Variants in TRPM7 observed in about 807,000 individuals in gnomAD.
TRPM7 encodes the protein transient receptor potential cation channel subfamily M member 7, also known as LTRPC ion channel family member 7.
Under a neutral mutation model 229.7 loss-of-function variants are expected in TRPM7, and 134 were observed. The observed-to-expected ratio is 0.58, with a 90% CI of 0.51 to 0.67. The LOEUF (loss-of-function observed/expected upper bound fraction) is 0.67. TRPM7 is among the 30% of genes least tolerant of loss of function. The pLI, the probability that TRPM7 is intolerant of heterozygous loss-of-function variation, is 0.00. For missense variants in TRPM7, 1,901 were observed against 2,210.0 expected, an observed-to-expected ratio of 0.86 and a Z score of 2.80; for synonymous variants, 699 against 715.2, an observed-to-expected ratio of 0.98 and a Z score of 0.36.
In TRPM7 at chr15:50,611,215, T is replaced by G. The variant is rs1040254222; in HGVS notation, c.2158A>C (p.Thr720Pro). 6.2e-7 allele frequency: 1 copy of G among 1,613,860 alleles called. No individual in the cohort carries two copies. The highest frequency in any genetic ancestry group is 1.3e-5 in the African/African-American group (1 of 74,902). The change falls in exon 17 of 39, where the codon ACC becomes CCC. Residue 720 changes from threonine to proline, a missense_variant. By Grantham distance (38) the Thr-to-Pro change is conservative. Transcript: ENST00000646667. ...GAAGAAACTGCTAACTTAAGGCAGG[T>G]TGAATTACTCCAGTTCTTCAGTTCA... ...TYELKNWSNS[T>P]CLKLAVSSRL...
Position 50,613,855 on chromosome 15 carries a change from C to CT in TRPM7, c.1636-15dup. On this transcript the variant is annotated splice_polypyrimidine_tract_variant and intron_variant, in intron 14 of 38. Transcript: ENST00000646667. ...TCGGCCAGACCTCTGAAAATGAGAT[C>CT]TTATTAGCTTTTATAGATTTAAACG... is the stretch of plus-strand genomic sequence containing the variant. 6.2e-7 allele frequency: 1 copy of CT among 1,601,866 alleles called. No homozygotes were observed. Among genetic ancestry groups the CT allele is most frequent in the Non-Finnish European group, 8.5e-7 (1 of 1,177,204 alleles).
chr15:50,605,105 T>C lies in TRPM7; in HGVS notation c.2749A>G (p.Lys917Glu), dbSNP rs1348453340. 1 of 1,607,644 alleles carries C rather than the reference T, an allele frequency of 6.2e-7. No homozygotes were observed. The highest frequency in any genetic ancestry group is 8.5e-7 in the Non-Finnish European group (1 of 1,177,684). Residue 917 changes from lysine (K) to glutamate (E), a missense_variant, in exon 21 of 39, where the codon AAA becomes GAA. Transcript: ENST00000646667. Reference protein sequence around the residue: ...SEAGKVNQKIKVWFSDYFNIS... With the variant: ...SEAGKVNQKIEVWFSDYFNIS... ...TTGAAGTAATCACTAAACCATACTT[T>C]AATCTTCTGGTTTACTTTCCCAGCT... is the stretch of plus-strand genomic sequence containing the variant.
intron 3 of TRPM7, among the ~76,000 whole-genome samples, chr15:50,656,535 T>C (rs1164604951): frequency 2.0e-5 from 3 of 149,972 alleles, no homozygotes; most frequent in Non-Finnish European, 4.4e-5. Context: ...AGGGTCTCAC[T>C]ATGCTACCCG....
At chr15:50,666,843 T>C (rs900506951) in intron 1 of TRPM7, among the ~76,000 whole-genome samples, 1 of 152,054 alleles carries the variant, frequency 6.6e-6, no homozygotes, top group African/African-American at 2.4e-5. Flanking sequence ...GCACAAGTAA[T>C]AGTAAGACTG....
chr15:50,643,378 G>A lies in TRPM7; in HGVS notation c.497C>T (p.Thr166Ile). 6.2e-7 allele frequency: 1 copy of A among 1,614,074 alleles called. No homozygotes were observed. The highest frequency in any genetic ancestry group is 8.5e-7 in the Non-Finnish European group (1 of 1,179,990). Residue 166 changes from threonine to isoleucine, a missense_variant, in exon 5 of 39, where the codon ACA (threonine) becomes ATA (isoleucine). Physicochemically the swap from Thr to Ile is moderately conservative, Grantham distance 89. Around this residue, in one of 8 missense-constraint regions of TRPM7, gnomAD observed 794 missense variants for 881.9 expected, o/e 0.90. Coordinates refer to ENST00000646667, the MANE Select transcript of TRPM7 (RefSeq NM_017672.6). ...LGKGLIKAAV[T>I]TGAWILTGGV... ...TCCAGTTAAAATCCAGGCTCCAGTT[G>A]TAACTGCAGCTTTAATAAGACCTTT...
chr15:50,617,458 G>A (rs376227313), intron 13 of TRPM7, among the ~76,000 whole-genome samples: 3 of 151,610 alleles, frequency 2.0e-5, no homozygotes, highest in South Asian at 2.1e-4. Context: ...AGCCGAGATC[G>A]TGCCACCACA....
At chr15:50,639,308 TA>T in intron 6 of TRPM7, 115 bp downstream of exon 6, 1 of 882,780 alleles carries the variant, frequency 1.1e-6, no homozygotes, top group Non-Finnish European at 1.5e-6. Context: ...AAATACCTTT[TA>T]AACTTAATTT....
At chr15:50,602,530 G>C (rs1304145003) in intron 21 of TRPM7, among the ~76,000 whole-genome samples, 1 of 152,136 alleles carries the variant, frequency 6.6e-6, no homozygotes, top group African/African-American at 2.4e-5. Flanking sequence ...CATAATCTTT[G>C]TGAAAGCCTT....
At chr15:50,678,878 A>G in intron 1 of TRPM7, among the ~76,000 whole-genome samples, 1 of 152,082 alleles carries the variant, frequency 6.6e-6, no homozygotes, top group East Asian at 1.9e-4. Context: ...AAAAACAAAA[A>G]AAAAAATTTT....
At chr15:50,653,894 G>A (rs2061489767) in intron 3 of TRPM7, among the ~76,000 whole-genome samples, 1 of 152,126 alleles carries the variant, frequency 6.6e-6, no homozygotes, top group Non-Finnish European at 1.5e-5. Context: ...AGGTCTGGAA[G>A]ACATAGCAGT....
chr15:50,628,723 C>G (rs2140628196), intron 10 of TRPM7, among the ~76,000 whole-genome samples: 2 of 152,264 alleles, frequency 1.3e-5, no homozygotes, highest in South Asian at 4.1e-4. Flanking sequence ...AGAACTTTAC[C>G]TTTCCAGCTA....
chr15:50,593,602 A>G lies in TRPM7; in HGVS notation c.3608+15T>C, dbSNP rs1166117039. ...TTTTGACATATAACCGATTTTAACTAAAGGGCTTCTGAACCTTTCAAAAGT... is the reference window on the plus strand; with the variant it reads ...TTTTGACATATAACCGATTTTAACTGAAGGGCTTCTGAACCTTTCAAAAGT... On this transcript the variant is annotated intron_variant, in intron 25 of 38. Coordinates refer to ENST00000646667, the MANE Select transcript of TRPM7 (RefSeq NM_017672.6). 6 of 1,605,782 alleles carry G rather than the reference A, an allele frequency of 3.7e-6. No individual in the cohort carries two copies. Among genetic ancestry groups the G allele is most frequent in the Non-Finnish European group, 5.1e-6 (6 of 1,178,180 alleles).
intron 5 of TRPM7, among the ~76,000 whole-genome samples, 168 bp downstream of exon 5, chr15:50,643,158 GCAGGCCTGTAATCC>G (rs1447020005): frequency 1.1e-4 from 16 of 152,072 alleles, no homozygotes; most frequent in Non-Finnish European, 2.1e-4. Flanking sequence ...GCATGGTGGC[GCAGGCCTGTAATCC>G]CAGCTACTCT....
intron 38 of TRPM7, among the ~76,000 whole-genome samples, chr15:50,569,202 G>A (rs2053755138): frequency 6.6e-6 from 1 of 152,004 alleles, no homozygotes; most frequent in Non-Finnish European, 1.5e-5. Flanking sequence ...TCCTGGTAGG[G>A]GAATTTTTTT....
intron 26 of TRPM7, 100 bp downstream of exon 26, chr15:50,591,811 T>G (rs1364484782): frequency 5.7e-6 from 5 of 878,332 alleles, no homozygotes; most frequent in Non-Finnish European, 8.1e-6. Flanking sequence ...ATAATTATAC[T>G]CTATGAAAAG....
intron 19 of TRPM7, among the ~76,000 whole-genome samples, chr15:50,607,690 A>G (rs529745214): frequency 5.9e-5 from 9 of 151,706 alleles, no homozygotes; most frequent in African/African-American, 2.2e-4. Flanking sequence ...TTTCACCACC[A>G]TAATCATCAA....
chr15:50,651,476 T>G (rs1027025759), intron 3 of TRPM7, among the ~76,000 whole-genome samples: 5 of 151,740 alleles, frequency 3.3e-5, no homozygotes, highest in Admixed American at 2.6e-4. Flanking sequence ...AAACCCCGTC[T>G]GTAATAAAAA....
chr15:50,628,318 T>C, intron 10 of TRPM7, 69 bp from the exon 11 acceptor site: 6 of 1,170,932 alleles, frequency 5.1e-6, no homozygotes, highest in Non-Finnish European at 7.5e-6. Flanking sequence ...AACACTTTTT[T>C]TTTTTTTAAG....
chr15:50,680,060 C>G (rs557278597), intron 1 of TRPM7, among the ~76,000 whole-genome samples: 6 of 151,718 alleles, frequency 4.0e-5, no homozygotes, highest in African/African-American at 1.5e-4. Flanking sequence ...ATGGTGAAAC[C>G]CTGTCTCTGC....
Sources: allele counts gnomAD v4.1 joint callset (sites outside exome capture counted in the v4.1 genomes callset), GRCh38; gene constraint gnomAD v4.1.1; regional missense constraint gnomAD v4.1.1; transcripts MANE v1.5; gene names NCBI Gene and HGNC (gene_info 2026-07-23, HGNC 2026-07-21).